PHACTR1: variants seen among roughly 807,000 people sequenced by gnomAD.
The protein encoded by PHACTR1 is phosphatase and actin regulator 1.
A neutral mutation model predicts 69.2 loss-of-function variants in PHACTR1; 16 were observed. The ratio of observed to expected loss-of-function variants is 0.23; its 90% CI spans 0.16 to 0.35. The LOEUF is 0.35. PHACTR1 is among the 10% of genes least tolerant of loss of function. The pLI is 1.00. For missense variants in PHACTR1, 510 were observed against 734.7 expected (o/e 0.69, Z 3.54); for synonymous variants, 312 against 284.5 (o/e 1.10, Z -0.97).
intron 3 of PHACTR1, among the ~76,000 whole-genome samples, chr6:12,738,190 T>C (rs1444208755): frequency 6.6e-6 from 1 of 152,212 alleles, no homozygotes; most frequent in East Asian, 1.9e-4. Context: ...ATAGTTTCCT[T>C]TCCCTTTAAT....
chr6:13,287,556 C>T lies in PHACTR1; in HGVS notation c.*478C>T, dbSNP rs1781914126. The stretch of plus-strand genomic sequence containing the variant: ...CTACACTTGGCCAAATGTACTGGCT[C>T]CAGACATGACATTTGGTTTGGGGGC... On this transcript the variant is annotated 3_prime_UTR_variant, in exon 15 of 15. Coordinates refer to ENST00000332995, the MANE Select transcript of PHACTR1 (RefSeq NM_030948.6). 1 of 154,994 alleles carries T rather than the reference C, an allele frequency of 6.5e-6. No homozygotes were observed. Among genetic ancestry groups the T allele is most frequent in the South Asian group, 1.9e-4 (1 of 5,340 alleles). 9.6% of individuals were successfully genotyped at this position (154,994 alleles called of 1,614,324 possible). A position where few individuals can be genotyped will look rare whatever the true frequency, so the allele number is the denominator to read the frequency against.
intron 10 of PHACTR1, chr6:13,272,568 G>A (rs1212947815): frequency 2.1e-5 from 14 of 670,282 alleles, no homozygotes; most frequent in East Asian, 9.8e-5. Context: ...AAAGAGTCCC[G>A]TCTGAGTTGC....
intron 10 of PHACTR1, among the ~76,000 whole-genome samples, chr6:13,260,248 A>T (rs1388989547): frequency 6.6e-6 from 1 of 152,208 alleles, no homozygotes. Flanking sequence ...GCCATCGTCA[A>T]GATGGGGAAC....
At chr6:13,030,081 A>G (rs1239284587) in intron 4 of PHACTR1, among the ~76,000 whole-genome samples, 1 of 152,250 alleles carries the variant, frequency 6.6e-6, no homozygotes, top group African/African-American at 2.4e-5. Context: ...CCTAGCATAT[A>G]GTAAGTGCTG....
chr6:13,148,029 T>A (rs936533138), intron 5 of PHACTR1, among the ~76,000 whole-genome samples: 1 of 152,176 alleles, frequency 6.6e-6, no homozygotes, highest in African/African-American at 2.4e-5. Context: ...GCTTTGTAGT[T>A]CTAAAGCTTA....
intron 10 of PHACTR1, chr6:13,272,562 A>T (rs1679799756): frequency 1.6e-6 from 1 of 627,974 alleles, no homozygotes; most frequent in Non-Finnish European, 2.6e-6. Context: ...TGAAGAAAAG[A>T]GTCCCGTCTG....
Position 13,227,772 on chromosome 6 carries a change from G to C in PHACTR1, c.987-44G>C, listed in dbSNP as rs7765972. On this transcript the variant is annotated intron_variant, in intron 8 of 14. Coordinates refer to ENST00000332995, the MANE Select transcript of PHACTR1 (RefSeq NM_030948.6). ...TGGTTTTGATGCATTTATATAGCACGTTAGCCAAAGTGAATTTCCTCTTTC... is the reference window on the plus strand; with the variant it reads ...TGGTTTTGATGCATTTATATAGCACCTTAGCCAAAGTGAATTTCCTCTTTC... 12 of 1,600,478 alleles carry C rather than the reference G, an allele frequency of 7.5e-6. No homozygotes were observed. The African/African-American group carries it at 1.2e-4, about 16-fold the overall frequency.
chr6:12,731,984 T>C (rs1360015034), intron 3 of PHACTR1, among the ~76,000 whole-genome samples: 1 of 152,072 alleles, frequency 6.6e-6, no homozygotes, highest in Non-Finnish European at 1.5e-5. Context: ...ACCTTTTTTT[T>C]TTTTTTTATT....
At chr6:12,863,797 T>C (rs1408599115) in intron 4 of PHACTR1, among the ~76,000 whole-genome samples, 1 of 152,196 alleles carries the variant, frequency 6.6e-6, no homozygotes, top group Non-Finnish European at 1.5e-5. Context: ...TAATAAAACA[T>C]CTTTGAAAAT....
intron 10 of PHACTR1, among the ~76,000 whole-genome samples, chr6:13,251,652 C>T (rs1044929521): frequency 2.0e-5 from 3 of 152,200 alleles, no homozygotes; most frequent in African/African-American, 7.2e-5. Context: ...TGAGCTCTGA[C>T]AGTCCTATGG....
At chr6:12,962,922 A>C (rs906295177) in intron 4 of PHACTR1, among the ~76,000 whole-genome samples, 99 of 152,304 alleles carry the variant, frequency 6.5e-4, no homozygotes, top group African/African-American at 2.0e-3. Context: ...CCCTGTCTCC[A>C]TTCAGCATGA....
At chr6:12,948,270 A>G (rs1264072040) in intron 4 of PHACTR1, among the ~76,000 whole-genome samples, 2 of 152,206 alleles carry the variant, frequency 1.3e-5, no homozygotes, top group East Asian at 3.8e-4. Flanking sequence ...ATTGTTTGAA[A>G]CAATCATGAT....
chr6:12,831,297 G>A (rs181544267), intron 4 of PHACTR1, among the ~76,000 whole-genome samples: 2 of 152,248 alleles, frequency 1.3e-5, no homozygotes, highest in East Asian at 3.9e-4. Context: ...GCACTTTATA[G>A]ACATTAGGTT....
intron 4 of PHACTR1, among the ~76,000 whole-genome samples, chr6:12,879,039 T>A (rs1782819861): frequency 6.6e-6 from 1 of 152,230 alleles, no homozygotes; most frequent in African/African-American, 2.4e-5. Flanking sequence ...TGTAGTGTGA[T>A]GGCTCACAGT....
chr6:12,843,517 A>G (rs1778905566), intron 4 of PHACTR1, among the ~76,000 whole-genome samples: 2 of 152,240 alleles, frequency 1.3e-5, no homozygotes, highest in African/African-American at 4.8e-5. Flanking sequence ...TGCTTTACCT[A>G]GAAATACCTA....
At position 12,732,384 on chromosome 6, in the gene PHACTR1, C is replaced by T. The variant is rs564512695; in HGVS notation, c.103+13537C>T. 1.8e-3 allele frequency among the ~76,000 whole-genome samples: 269 copies of T among 151,500 alleles called. 1 individual carries two copies. Among genetic ancestry groups the T allele is most frequent in the African/African-American group, 6.3e-3 (261 of 41,242 alleles). ...TTTAGTTCTTCTAAAAAATGGGGTACATGTGCAGAACGTGCAGGTTTGTTA... is the reference window on the plus strand; with the variant it reads ...TTTAGTTCTTCTAAAAAATGGGGTATATGTGCAGAACGTGCAGGTTTGTTA... On this transcript the variant is annotated intron_variant, in intron 3 of 14. Coordinates refer to ENST00000332995, the MANE Select transcript of PHACTR1 (RefSeq NM_030948.6).
chr6:12,944,781 T>G lies in PHACTR1; in HGVS notation c.251-108584T>G. Among the ~76,000 whole-genome samples the G allele has an allele frequency of 1.7e-5, 2 of 118,258 alleles. 1 individual carries two copies. The allele number at this position is 118,258 out of a possible 152,430, so 77.6% of individuals were successfully genotyped here. On this transcript the variant is annotated intron_variant, in intron 4 of 14. Transcript: ENST00000332995. ...TATTTATTTATTTATTTATTTATTT[T>G]TATTTATTTTTTTTTTTTTGAGACG... is the stretch of plus-strand genomic sequence containing the variant.
intron 5 of PHACTR1, among the ~76,000 whole-genome samples, chr6:13,111,834 TTTGA>T (rs1431793624): frequency 6.6e-6 from 1 of 152,176 alleles, no homozygotes; most frequent in Non-Finnish European, 1.5e-5. Context: ...CATATTTCCC[TTTGA>T]TTTTCTTTTT....
intron 8 of PHACTR1, among the ~76,000 whole-genome samples, chr6:13,227,357 C>T (rs1047514721): frequency 2.6e-5 from 4 of 152,174 alleles, no homozygotes; most frequent in African/African-American, 9.7e-5. Context: ...TTATCTTTCT[C>T]TCCTGAATCT....
Sources: allele counts gnomAD v4.1 joint callset (sites outside exome capture counted in the v4.1 genomes callset), GRCh38; gene constraint gnomAD v4.1.1; transcripts MANE v1.5; gene names NCBI Gene and HGNC (gene_info 2026-07-23, HGNC 2026-07-21).